Variants in ZFAND3 observed in about 807,000 individuals in gnomAD.
The protein encoded by ZFAND3 is AN1-type zinc finger protein 3.
A neutral mutation model predicts 29.6 loss-of-function variants in ZFAND3; 10 were observed. The observed-to-expected ratio is 0.34, with a 90% confidence interval of 0.21 to 0.57. ZFAND3 has a LOEUF of 0.57. Among genes scored for constraint, ZFAND3 ranks in the 20% least tolerant of loss-of-function variants. The pLI, the probability that ZFAND3 is intolerant of heterozygous loss-of-function variation, is 0.86. For missense variants in ZFAND3, 230 were observed against 304.5 expected (o/e 0.76, Z 1.82); for synonymous variants, 128 against 112.6 (o/e 1.14, Z -0.87).
chr6:37,910,225 C>T (rs1487708095), intron 1 of ZFAND3, among the ~76,000 whole-genome samples: 2 of 152,176 alleles, frequency 1.3e-5, no homozygotes, highest in African/African-American at 4.8e-5. Context: ...CTTGACAGTT[C>T]CTTGCCTCAG....
chr6:37,929,937 C>G (rs967495881), intron 1 of ZFAND3, 22 bp from the exon 2 acceptor site: 10 of 1,583,476 alleles, frequency 6.3e-6, no homozygotes, highest in Non-Finnish European at 8.6e-6. Context: ...TTCTTTCTTT[C>G]TTTTCTTTTT....
intron 2 of ZFAND3, among the ~76,000 whole-genome samples, chr6:37,999,132 A>G (rs1762901671): frequency 6.6e-6 from 1 of 152,200 alleles, no homozygotes; most frequent in Admixed American, 6.5e-5. Flanking sequence ...AAAAAACCCC[A>G]CAATGAAGGG....
chr6:37,983,059 C>G, intron 2 of ZFAND3, among the ~76,000 whole-genome samples: 1 of 152,112 alleles, frequency 6.6e-6, no homozygotes, highest in African/African-American at 2.4e-5. Flanking sequence ...TTTTGTACAG[C>G]TGTACATTGT....
chr6:37,876,978 G>C (rs1296624865), intron 1 of ZFAND3, among the ~76,000 whole-genome samples: 3 of 152,162 alleles, frequency 2.0e-5, no homozygotes, highest in African/African-American at 7.2e-5. Context: ...TTCTATGCCT[G>C]CAACAATCAT....
chr6:38,121,993 C>G (rs1765543431), intron 5 of ZFAND3, among the ~76,000 whole-genome samples: 1 of 152,234 alleles, frequency 6.6e-6, no homozygotes, highest in Non-Finnish European at 1.5e-5. Flanking sequence ...TTTACTAACT[C>G]TAGCACTCCC....
At chr6:37,909,288 T>TC (rs1292552743) in intron 1 of ZFAND3, among the ~76,000 whole-genome samples, 1 of 151,402 alleles carries the variant, frequency 6.6e-6, no homozygotes, top group Non-Finnish European at 1.5e-5. Context: ...TTTTTTTTTT[T>TC]TTCTTTTTTG....
At chr6:37,892,069 A>G (rs1447361673) in intron 1 of ZFAND3, among the ~76,000 whole-genome samples, 1 of 152,218 alleles carries the variant, frequency 6.6e-6, no homozygotes, top group Non-Finnish European at 1.5e-5. Context: ...GACAGTCTCC[A>G]GTATAGACAA....
At chr6:38,031,552 T>G (rs1028030911) in intron 2 of ZFAND3, among the ~76,000 whole-genome samples, 2 of 152,290 alleles carry the variant, frequency 1.3e-5, no homozygotes, top group Middle Eastern at 3.4e-3. Flanking sequence ...TGGAGGAAAG[T>G]TCTCAGACTT....
At chr6:38,111,830 C>T (rs529839748) in intron 4 of ZFAND3, among the ~76,000 whole-genome samples, 8 of 152,204 alleles carry the variant, frequency 5.3e-5, no homozygotes, top group Non-Finnish European at 7.4e-5. Context: ...CAGGGGTCAG[C>T]GCCCCAAACC....
intron 2 of ZFAND3, among the ~76,000 whole-genome samples, chr6:38,051,944 C>A (rs9296234): frequency 0.056 from 8,509 of 152,196 alleles, 636 homozygotes; most frequent in East Asian, 0.38. Flanking sequence ...GTATAGTCTG[C>A]ACAATAAATG....
intron 5 of ZFAND3, chr6:38,142,945 G>C (rs73421887): frequency 6.5e-6 from 1 of 152,698 alleles, no homozygotes; most frequent in Non-Finnish European, 1.5e-5. Flanking sequence ...GCCAGCCCCC[G>C]TCTCCTTGTG....
chr6:37,964,904 G>A (rs1012634863), intron 2 of ZFAND3, among the ~76,000 whole-genome samples: 2 of 152,196 alleles, frequency 1.3e-5, no homozygotes, highest in Non-Finnish European at 2.9e-5. Flanking sequence ...ATAGGACTTA[G>A]AGCCCTGTGA....
intron 1 of ZFAND3, among the ~76,000 whole-genome samples, chr6:37,888,607 G>A (rs1252658567): frequency 6.6e-6 from 1 of 152,028 alleles, no homozygotes; most frequent in Non-Finnish European, 1.5e-5. Context: ...ACAGGAGACC[G>A]AAATCCCATT....
At chr6:38,148,839 C>G (rs576152748) in intron 5 of ZFAND3, among the ~76,000 whole-genome samples, 1 of 152,296 alleles carries the variant, frequency 6.6e-6, no homozygotes, top group African/African-American at 2.4e-5. Flanking sequence ...GCATTTGGGA[C>G]AAGTTCCAGA....
chr6:38,086,378 T>C (rs1036467229), intron 4 of ZFAND3, among the ~76,000 whole-genome samples: 11 of 152,160 alleles, frequency 7.2e-5, no homozygotes, highest in Admixed American at 2.0e-4. Context: ...TTTGTAGAGT[T>C]CTAGGATCTC....
At chr6:38,068,686 A>G (rs1332738105) in intron 3 of ZFAND3, among the ~76,000 whole-genome samples, 5 of 152,198 alleles carry the variant, frequency 3.3e-5, no homozygotes, top group Non-Finnish European at 7.3e-5. Context: ...TGTCTACTGC[A>G]TCCACCCAAG....
At chr6:37,916,831 C>T (rs1414128109) in intron 1 of ZFAND3, among the ~76,000 whole-genome samples, 3 of 152,222 alleles carry the variant, frequency 2.0e-5, no homozygotes, top group African/African-American at 7.2e-5. Flanking sequence ...TGAATAGCAT[C>T]ATGACATCTC....
intron 5 of ZFAND3, among the ~76,000 whole-genome samples, chr6:38,138,503 G>C (rs557281676): frequency 1.3e-5 from 2 of 152,152 alleles, no homozygotes; most frequent in South Asian, 4.1e-4. Flanking sequence ...CAGGCAACAC[G>C]CCTGAGCTCT....
chr6:37,830,056 C>T (rs1450019259), intron 1 of ZFAND3, among the ~76,000 whole-genome samples: 1 of 152,162 alleles, frequency 6.6e-6, no homozygotes, highest in Non-Finnish European at 1.5e-5. Flanking sequence ...CCAAATTTAC[C>T]TAAATAGTTT....
Sources: allele counts gnomAD v4.1 joint callset (sites outside exome capture counted in the v4.1 genomes callset), GRCh38; gene constraint gnomAD v4.1.1; transcripts MANE v1.5; gene names NCBI Gene and HGNC (gene_info 2026-07-23, HGNC 2026-07-21).